PPARGC1B: variants seen among roughly 807,000 people sequenced by gnomAD.
PPARGC1B encodes the protein PPARG coactivator 1 beta, also known as peroxisome proliferator-activated receptor gamma coactivator 1-beta.
A neutral mutation model predicts 101.6 loss-of-function variants in PPARGC1B; 34 were observed. The observed-to-expected ratio is 0.33, with a 90% CI of 0.25 to 0.45. PPARGC1B has a LOEUF of 0.45. PPARGC1B is among the 20% of genes least tolerant of loss of function. The pLI, the probability that PPARGC1B is intolerant of heterozygous loss-of-function variation, is 1.00. For missense variants in PPARGC1B, 1,234 were observed against 1,317.6 expected, an observed-to-expected ratio of 0.94 and a Z score of 0.98; for synonymous variants, 548 against 539.3, an observed-to-expected ratio of 1.02 and a Z score of -0.22.
chr5:149,753,552 C>T (rs1755396932), intron 1 of PPARGC1B, among the ~76,000 whole-genome samples: 1 of 152,032 alleles, frequency 6.6e-6, no homozygotes, highest in South Asian at 2.1e-4. Flanking sequence ...TTTTTTTAAC[C>T]TACCTCTTAC....
chr5:149,768,502 G>A lies in PPARGC1B; in HGVS notation c.78+38082G>A, dbSNP rs547675700. Among the ~76,000 whole-genome samples, 10 of 140,332 alleles carry A rather than the reference G, an allele frequency of 7.1e-5. No homozygotes were observed. In the South Asian group the frequency reaches 2.3e-3, roughly 32 times the overall value. The allele number at this position is 140,332 out of a possible 152,430, so 92.1% of individuals were successfully genotyped here. ...TCTGTCGCCCACACTGGAGTGCAGT[G>A]GTGCCATCTCGGCTCACTGCAACCT... On this transcript the variant is annotated intron_variant, in intron 1 of 11. Coordinates refer to ENST00000309241, the MANE Select transcript of PPARGC1B (RefSeq NM_133263.4).
intron 1 of PPARGC1B, among the ~76,000 whole-genome samples, chr5:149,784,315 A>C (rs1476157781): frequency 6.6e-6 from 1 of 151,992 alleles, no homozygotes; most frequent in Non-Finnish European, 1.5e-5. Flanking sequence ...CCACGCTCTC[A>C]CAACGGCCTG....
chr5:149,820,433 G>T lies in PPARGC1B; in HGVS notation c.79G>T (p.Gly27Cys), dbSNP rs937052267. Residue 27 changes from glycine to cysteine, a missense_variant and splice_region_variant, in exon 2 of 12, where the codon GGT (glycine) becomes TGT (cysteine). Coordinates refer to ENST00000309241, the MANE Select transcript of PPARGC1B (RefSeq NM_133263.4). ...ACCTCTTTCCTTCCTGTCTCCTCAG[G>T]GTGGAGGGTCCGGGGAGGAGCAACT... ...FFLNYLADTQ[G>C]GGSGEEQLYA... 1.2e-6 allele frequency: 2 copies of T among 1,613,456 alleles called. No homozygotes were observed. The highest frequency in any genetic ancestry group is 2.7e-5 in the African/African-American group (2 of 74,884).
rs774659875 is a variant in PPARGC1B, at chr5:149,826,900, A to G, written c.465+15A>G. The stretch of plus-strand genomic sequence containing the variant: ...AGCTCTCACTGGTAAGAACCTACTT[A>G]CAGCAGAAGTGATGGTTGCAGCCTG... On this transcript the variant is annotated intron_variant, in intron 3 of 11. Coordinates refer to ENST00000309241, the MANE Select transcript of PPARGC1B (RefSeq NM_133263.4). The G allele has an allele frequency of 6.3e-7, 1 of 1,578,384 alleles. No homozygotes were observed. The highest frequency in any genetic ancestry group is 1.7e-5 in the Admixed American group (1 of 58,782).
At chr5:149,735,699 A>G (rs990123107) in intron 1 of PPARGC1B, among the ~76,000 whole-genome samples, 7 of 152,244 alleles carry the variant, frequency 4.6e-5, no homozygotes, top group African/African-American at 1.7e-4. Context: ...AGTAAGTAGA[A>G]GAGCCAGCAT....
intron 1 of PPARGC1B, among the ~76,000 whole-genome samples, chr5:149,745,357 C>T (rs1345461148): frequency 6.6e-6 from 1 of 152,204 alleles, no homozygotes; most frequent in Non-Finnish European, 1.5e-5. Flanking sequence ...TCAGAATCAA[C>T]TCTGTAGTTT....
In PPARGC1B at chr5:149,827,044, G is replaced by C. The variant is rs181444576; in HGVS notation, c.465+159G>C. 6.4e-3 allele frequency among the ~76,000 whole-genome samples: 976 copies of C among 152,350 alleles called. 13 individuals carry two copies. Among genetic ancestry groups the C allele is most frequent in the African/African-American group, 0.022 (918 of 41,572 alleles). On this transcript the variant is annotated intron_variant, in intron 3 of 11. Transcript: ENST00000309241. Reference sequence around the variant, plus strand: ...AGAGAGCGTGGGCCGAAGGTGGGAGGCCCCCCTGGACTTAACCTTTCCCAC... The same window carrying C: ...AGAGAGCGTGGGCCGAAGGTGGGAGCCCCCCCTGGACTTAACCTTTCCCAC...
downstream of PPARGC1B, among the ~76,000 whole-genome samples, chr5:149,856,693 C>G (rs1759961239): frequency 6.6e-6 from 1 of 151,500 alleles, no homozygotes; most frequent in African/African-American, 2.4e-5. Flanking sequence ...ACAATAAAAC[C>G]TGATTTGCAG....
intron 1 of PPARGC1B, among the ~76,000 whole-genome samples, chr5:149,742,375 T>G (rs1754942958): frequency 1.3e-5 from 2 of 152,164 alleles, no homozygotes; most frequent in Non-Finnish European, 2.9e-5. Flanking sequence ...CTTTTTGCTC[T>G]GCGATCCCCA....
At position 149,837,681 on chromosome 5, in the gene PPARGC1B, A is replaced by G. The variant is rs1461763924; in HGVS notation, c.2618+608A>G. Among the ~76,000 whole-genome samples, 1 of 152,136 alleles carries G rather than the reference A, an allele frequency of 6.6e-6. No individual in the cohort carries two copies. The highest frequency in any genetic ancestry group is 1.5e-5 in the Non-Finnish European group (1 of 68,012). ...ATCCTCGCTCGCTGAACCAGACTGG[A>G]GAAGAAGCCAGTCCAAAAGTCAGCT... On this transcript the variant is annotated intron_variant, in intron 8 of 11. Transcript: ENST00000309241. The surrounding 1 kb of genome is among the most constrained non-coding windows in gnomAD (Gnocchi z 4.2).
chr5:149,819,758 C>A (rs1758205199), intron 1 of PPARGC1B, among the ~76,000 whole-genome samples: 1 of 152,210 alleles, frequency 6.6e-6, no homozygotes, highest in African/African-American at 2.4e-5. Flanking sequence ...CCACCTTGGC[C>A]TCTCAAATTG....
chr5:149,836,636 C>A lies in PPARGC1B; in HGVS notation c.2181C>A (p.Ala727=), dbSNP rs186462923. The change falls in exon 8 of 12, where the codon GCC becomes GCA. Residue 727 remains alanine (A), a synonymous_variant. Transcript: ENST00000309241. ...VHLEDWPQQG[A]PWAEAQAPGR... is the part of the protein sequence containing the mutation. ...TTGAGGACTGGCCCCAGCAGGGTGC[C>A]CCTTGGGCTGAGGCACAGGCCCCTG... The A allele has an allele frequency of 6.2e-7, 1 of 1,613,844 alleles. No homozygotes were observed. Among genetic ancestry groups the A allele is most frequent in the African/African-American group, 1.3e-5 (1 of 75,068 alleles).
chr5:149,765,195 G>A (rs540074807), intron 1 of PPARGC1B, among the ~76,000 whole-genome samples: 3 of 152,258 alleles, frequency 2.0e-5, no homozygotes, highest in South Asian at 2.1e-4. Context: ...TAAAGGAGGC[G>A]AGAAGGCAGG....
intron 4 of PPARGC1B, among the ~76,000 whole-genome samples, chr5:149,831,940 A>G (rs1469280600): frequency 1.3e-5 from 2 of 152,310 alleles, no homozygotes; most frequent in African/African-American, 4.8e-5. Context: ...AAAGCCACCT[A>G]TTGTAAACAA....
At chr5:149,793,556 C>G (rs1305409222) in intron 1 of PPARGC1B, among the ~76,000 whole-genome samples, 1 of 152,160 alleles carries the variant, frequency 6.6e-6, no homozygotes, top group African/African-American at 2.4e-5. Flanking sequence ...AGTGCAGAAC[C>G]CTGAGGCAGC....
chr5:149,786,655 C>A (rs2113241174), intron 1 of PPARGC1B, among the ~76,000 whole-genome samples: 1 of 152,334 alleles, frequency 6.6e-6, no homozygotes, highest in East Asian at 1.9e-4. Flanking sequence ...GTCTAACCCC[C>A]ACTGGACATG....
chr5:149,776,973 T>G (rs1756385387), intron 1 of PPARGC1B, among the ~76,000 whole-genome samples: 1 of 152,166 alleles, frequency 6.6e-6, no homozygotes, highest in Admixed American at 6.5e-5. Flanking sequence ...TCAGCCCAGC[T>G]CTTCCATTAT....
At position 149,837,616 on chromosome 5, in the gene PPARGC1B, A is replaced by G. The variant is rs1290861736; in HGVS notation, c.2618+543A>G. ...CTGCCCCTCGAAGGGCTTTGACCTCAGTGGAGGGATGATGCCTCATGAGCC... is the reference window on the plus strand; with the variant it reads ...CTGCCCCTCGAAGGGCTTTGACCTCGGTGGAGGGATGATGCCTCATGAGCC... On this transcript the variant is annotated intron_variant, in intron 8 of 11. Coordinates refer to ENST00000309241, the MANE Select transcript of PPARGC1B (RefSeq NM_133263.4). The surrounding 1 kb of genome is among the most constrained non-coding windows in gnomAD (Gnocchi z 4.2). Among the ~76,000 whole-genome samples, 1 of 152,198 alleles carries G rather than the reference A, an allele frequency of 6.6e-6. No homozygotes were observed. The highest frequency in any genetic ancestry group is 2.4e-5 in the African/African-American group (1 of 41,452).
chr5:149,836,579 G>A lies in PPARGC1B; in HGVS notation c.2124G>A (p.Val708=), dbSNP rs45617032. 6.8e-3 allele frequency: 10,993 copies of A among 1,613,850 alleles called. 636 individuals are homozygous for A. In the African/African-American group the frequency reaches 0.12, roughly 18 times the overall value. ...LRPEGVLQRK[V]LRSWEPSGVH... is the part of the protein sequence containing the mutation. ...CAGAAGGCGTCCTGCAAAGGAAGGT[G>A]CTGAGGTCCTGGGAGCCGTCTGGGG... The change falls in exon 8 of 12, where the codon GTG becomes GTA. Residue 708 remains valine (V), a synonymous_variant. Transcript: ENST00000309241.
Sources: allele counts gnomAD v4.1 joint callset (sites outside exome capture counted in the v4.1 genomes callset), GRCh38; gene constraint gnomAD v4.1.1; non-coding constraint Gnocchi (gnomAD v3.1); transcripts MANE v1.5; gene names NCBI Gene and HGNC (gene_info 2026-07-23, HGNC 2026-07-21).